The following ACOT7 variants were observed in gnomAD, a reference collection of about 807,000 sequenced individuals.
The protein encoded by ACOT7 is acyl-CoA thioesterase 7, also known as cytosolic acyl coenzyme A thioester hydrolase.
ACOT7 carries 12 observed loss-of-function variants against 40.2 expected under a neutral mutation model. That is an observed-to-expected ratio of 0.30 (90% CI 0.19 to 0.48). ACOT7 has a LOEUF of 0.48. Ranked by LOEUF, ACOT7 falls within the 20% of genes least tolerant of loss-of-function variation. The pLI is 0.99. For synonymous variants in ACOT7, 228 were observed against 219.5 expected (o/e 1.04, Z -0.34); for missense variants, 395 against 530.8 (o/e 0.74, Z 2.51).
intron 1 of ACOT7, among the ~76,000 whole-genome samples, chr1:6,389,653 G>A (rs1642500766): frequency 6.6e-6 from 1 of 151,832 alleles, no homozygotes; most frequent in African/African-American, 2.4e-5. Context: ...GCGTGGTGGC[G>A]GGCGTGTGTA....
At chr1:6,310,703 G>A (rs998869803) in intron 6 of ACOT7, among the ~76,000 whole-genome samples, 3 of 152,176 alleles carry the variant, frequency 2.0e-5, no homozygotes, top group Admixed American at 2.0e-4. Flanking sequence ...TCCAGGAGAA[G>A]GGCTGGGGAA....
chr1:6,308,592 C>T (rs1251441247), intron 6 of ACOT7, among the ~76,000 whole-genome samples: 1 of 150,624 alleles, frequency 6.6e-6, no homozygotes, highest in East Asian at 2.0e-4. Context: ...TACAACTGGG[C>T]AGAGGGAACT....
chr1:6,362,443 G>GA (rs972459063), intron 1 of ACOT7, among the ~76,000 whole-genome samples: 10 of 145,382 alleles, frequency 6.9e-5, no homozygotes, highest in South Asian at 2.2e-4. Context: ...AAAAAAAAAA[G>GA]AAAAAAAAAA....
In ACOT7 at chr1:6,311,175, C is replaced by T. The variant is rs1322969042; in HGVS notation, c.712+7317G>A. ...ACCATGGGAGCTGAGCAAGCTCTCC[C>T]GATGAGGATACCCACCTTGACTTCT... On this transcript the variant is annotated intron_variant, in intron 6 of 8. Coordinates refer to ENST00000361521, the MANE Select transcript of ACOT7 (RefSeq NM_007274.4). The surrounding 1 kb of genome is among the most constrained non-coding windows in gnomAD (Gnocchi z 5.2). Among the ~76,000 whole-genome samples the T allele has an allele frequency of 1.3e-5, 2 of 152,316 alleles. No homozygotes were observed. The highest frequency in any genetic ancestry group is 3.4e-3 in the Middle Eastern group (1 of 294).
At chr1:6,313,335 G>A (rs551276795) in intron 6 of ACOT7, among the ~76,000 whole-genome samples, 1 of 152,128 alleles carries the variant, frequency 6.6e-6, no homozygotes, top group Non-Finnish European at 1.5e-5. Context: ...CAGAGGTTGC[G>A]GCCAGAAAGT....
At position 6,294,138 on chromosome 1, in the gene ACOT7, G is replaced by C. The variant is rs541781643; in HGVS notation, c.829+726C>G. On this transcript the variant is annotated intron_variant, in intron 7 of 8. Coordinates refer to ENST00000361521, the MANE Select transcript of ACOT7 (RefSeq NM_007274.4). This position sits in a 1 kb window ranked among gnomAD's most constrained non-coding sequence, Gnocchi z 4.6. ...CCCTGACGATGCTGACACCACCCTC[G>C]GTCTGTGAGGCAGTGCTGCTGCAGG... is the stretch of plus-strand genomic sequence containing the variant. Among the ~76,000 whole-genome samples, 1 of 152,232 alleles carries C rather than the reference G, an allele frequency of 6.6e-6. No individual in the cohort carries two copies. The highest frequency in any genetic ancestry group is 2.4e-5 in the African/African-American group (1 of 41,460).
intron 1 of ACOT7, among the ~76,000 whole-genome samples, chr1:6,386,143 G>C (rs1352828393): frequency 6.6e-6 from 1 of 152,218 alleles, no homozygotes; most frequent in African/African-American, 2.4e-5. Context: ...GAGCTGGAAG[G>C]CTGCGGGGAA....
At chr1:6,369,130 C>T (rs954441577) in intron 1 of ACOT7, among the ~76,000 whole-genome samples, 2 of 151,912 alleles carry the variant, frequency 1.3e-5, no homozygotes, top group African/African-American at 4.8e-5. Context: ...ATTACACACA[C>T]ATGCCACCAC....
intron 1 of ACOT7, among the ~76,000 whole-genome samples, chr1:6,361,537 G>A (rs549565079): frequency 3.3e-5 from 5 of 152,312 alleles, no homozygotes; most frequent in South Asian, 2.1e-4. Flanking sequence ...AGTAGTTCAC[G>A]CCTGTAATCC....
At chr1:6,390,670 T>C (rs1334295952) in intron 1 of ACOT7, among the ~76,000 whole-genome samples, 1 of 150,384 alleles carries the variant, frequency 6.6e-6, no homozygotes, top group African/African-American at 2.4e-5. Context: ...GCGCAGTGGC[T>C]CACGCCTGTA....
chr1:6,301,246 T>G lies in ACOT7; in HGVS notation c.713-6266A>C, dbSNP rs112456103. On this transcript the variant is annotated intron_variant, in intron 6 of 8. Coordinates refer to ENST00000361521, the MANE Select transcript of ACOT7 (RefSeq NM_007274.4). This position sits in a 1 kb window ranked among gnomAD's most constrained non-coding sequence, Gnocchi z 4.1. ...CAATTAACCCCTTGTTCTTCCATCC[T>G]GAAAAGCAGAATGAGAGAATAAATG... is the stretch of plus-strand genomic sequence containing the variant. Among the ~76,000 whole-genome samples, 6 of 152,336 alleles carry G rather than the reference T, an allele frequency of 3.9e-5. No individual in the cohort carries two copies. Among genetic ancestry groups the G allele is most frequent in the African/African-American group, 1.4e-4 (6 of 41,582 alleles).
In ACOT7 at chr1:6,330,969, T is replaced by C. The variant is rs559172988; in HGVS notation, c.510+2508A>G. Among the ~76,000 whole-genome samples, 3 of 152,208 alleles carry C rather than the reference T, an allele frequency of 2.0e-5. No homozygotes were observed. Among genetic ancestry groups the C allele is most frequent in the Non-Finnish European group, 4.4e-5 (3 of 68,040 alleles). ...AATATTTACATGTGATGTGGCTCAC[T>C]GAACGCCAAGGGCTTAGAGAAAAGA... On this transcript the variant is annotated intron_variant, in intron 4 of 8. Coordinates refer to ENST00000361521, the MANE Select transcript of ACOT7 (RefSeq NM_007274.4). The surrounding 1 kb of genome is among the most constrained non-coding windows in gnomAD (Gnocchi z 4.6).
At chr1:6,309,365 G>A (rs958552365) in intron 6 of ACOT7, among the ~76,000 whole-genome samples, 6 of 152,194 alleles carry the variant, frequency 3.9e-5, no homozygotes, top group Non-Finnish European at 8.8e-5. Flanking sequence ...TCCAAGATAT[G>A]GGGAGAGGAG....
In ACOT7 at chr1:6,306,500, C is replaced by G. The variant is rs991976823; in HGVS notation, c.713-11520G>C. ...GGTTCAAGTTCACCAGTCCCCACGT[C>G]CCGCTCCCCCGCTGAAGCATCAGGA... On this transcript the variant is annotated intron_variant, in intron 6 of 8. Coordinates refer to ENST00000361521, the MANE Select transcript of ACOT7 (RefSeq NM_007274.4). The surrounding 1 kb of genome is among the most constrained non-coding windows in gnomAD (Gnocchi z 4.3). The G allele has an allele frequency of 2.4e-5, 24 of 985,348 alleles. No individual in the cohort carries two copies. The East Asian group carries it at 2.7e-3, about 112-fold the overall frequency. 61.0% of individuals were successfully genotyped at this position (985,348 alleles called of 1,614,324 possible). A position where few individuals can be genotyped will look rare whatever the true frequency, so the allele number is the denominator to read the frequency against.
chr1:6,315,089 T>C (rs1372774630), intron 6 of ACOT7, among the ~76,000 whole-genome samples: 1 of 152,196 alleles, frequency 6.6e-6, no homozygotes, highest in Non-Finnish European at 1.5e-5. Context: ...GTTCTCCCTG[T>C]GATTCCAGGC....
At chr1:6,284,978 C>A (rs1293733501) in intron 7 of ACOT7, among the ~76,000 whole-genome samples, 1 of 152,250 alleles carries the variant, frequency 6.6e-6, no homozygotes, top group African/African-American at 2.4e-5. Flanking sequence ...CTCCACCACA[C>A]CCCCTCTAGA....
At chr1:6,371,161 G>A (rs1032376036) in intron 1 of ACOT7, among the ~76,000 whole-genome samples, 1 of 152,148 alleles carries the variant, frequency 6.6e-6, no homozygotes, top group Non-Finnish European at 1.5e-5. Context: ...GGTCTCAACG[G>A]CAGGCTTAAA....
intron 1 of ACOT7, among the ~76,000 whole-genome samples, chr1:6,387,675 G>A (rs540000997): frequency 6.6e-6 from 1 of 152,324 alleles, no homozygotes; most frequent in East Asian, 1.9e-4. Flanking sequence ...GCCACTTCTG[G>A]TCTGACCAGA....
At chr1:6,265,915 G>A (rs1199535559) in intron 8 of ACOT7, among the ~76,000 whole-genome samples, 1 of 152,248 alleles carries the variant, frequency 6.6e-6, no homozygotes, top group Non-Finnish European at 1.5e-5. Flanking sequence ...CAGTCAGCCA[G>A]AGGATGTAAT....
Sources: gnomAD v4.1 joint callset for allele counts (sites outside exome capture counted in the v4.1 genomes callset) on GRCh38, gnomAD v4.1.1 for gene constraint, Gnocchi (gnomAD v3.1) non-coding constraint, MANE v1.5 for transcripts, NCBI Gene and HGNC (gene_info 2026-07-23, HGNC 2026-07-21) for gene names.